CNTNAP5: variants seen among roughly 807,000 people sequenced by gnomAD.
The protein encoded by CNTNAP5 is contactin associated protein family member 5.
In CNTNAP5, 72 loss-of-function variants were observed where a neutral mutation model predicts 150.2. The observed-to-expected ratio is 0.48, with a 90% CI of 0.40 to 0.58. The LOEUF is 0.58. CNTNAP5 is among the 20% of genes least tolerant of loss of function. The pLI, the probability that CNTNAP5 is intolerant of heterozygous loss-of-function variation, is 0.00. For synonymous variants in CNTNAP5, 672 were observed against 619.8 expected (o/e 1.08, Z -1.25); for missense variants, 1,636 against 1,626.2 (o/e 1.01, Z -0.10).
chr2:124,044,837 A>G (rs963635009), intron 1 of CNTNAP5, among the ~76,000 whole-genome samples: 1 of 150,654 alleles, frequency 6.6e-6, no homozygotes, highest in Non-Finnish European at 1.5e-5. Flanking sequence ...AAACTTCTTA[A>G]TTGTAGCTGT....
At chr2:124,802,181 G>A (rs1681984326) in intron 19 of CNTNAP5, among the ~76,000 whole-genome samples, 1 of 152,170 alleles carries the variant, frequency 6.6e-6, no homozygotes, top group African/African-American at 2.4e-5. Context: ...GGTGGAGTAA[G>A]GTGGATGAGT....
In CNTNAP5 at chr2:124,919,716, T is replaced by C. The variant is rs1251419841; in HGVS notation, c.*5428T>C. Reference sequence around the variant, plus strand: ...ATTCTTTACTCACATTTGCATGATTTTTTTTACCTTCCAACACTTCTTCAG... The same window carrying C: ...ATTCTTTACTCACATTTGCATGATTCTTTTTACCTTCCAACACTTCTTCAG... On this transcript the variant is annotated 3_prime_UTR_variant, in exon 24 of 24. Coordinates refer to ENST00000682447, the MANE Select transcript of CNTNAP5 (RefSeq NM_001367498.1). Among the ~76,000 whole-genome samples the C allele has an allele frequency of 6.6e-6, 1 of 152,140 alleles. No homozygotes were observed. Among genetic ancestry groups the C allele is most frequent in the Non-Finnish European group, 1.5e-5 (1 of 68,004 alleles).
chr2:124,786,193 A>C (rs1011495973), intron 17 of CNTNAP5, among the ~76,000 whole-genome samples: 7 of 151,220 alleles, frequency 4.6e-5, no homozygotes, highest in African/African-American at 1.7e-4. Context: ...ACTTTGGGAG[A>C]TGGAGGCTGC....
intron 3 of CNTNAP5, among the ~76,000 whole-genome samples, chr2:124,252,829 A>G (rs1443136461): frequency 6.6e-6 from 1 of 152,158 alleles, no homozygotes; most frequent in Non-Finnish European, 1.5e-5. Flanking sequence ...TGCAAAATCA[A>G]TAAGAATATC....
At chr2:124,419,949 T>TTTCC (rs1692048964) in intron 4 of CNTNAP5, among the ~76,000 whole-genome samples, 2 of 103,270 alleles carry the variant, frequency 1.9e-5, no homozygotes, top group South Asian at 3.8e-4. Flanking sequence ...TCTTTCTTTC[T>TTTCC]TTCTTTCCTT....
At chr2:124,100,494 C>A (rs1683038548) in intron 1 of CNTNAP5, among the ~76,000 whole-genome samples, 1 of 152,134 alleles carries the variant, frequency 6.6e-6, no homozygotes, top group African/African-American at 2.4e-5. Context: ...ATTCAGGATT[C>A]AAATCTAGCA....
intron 1 of CNTNAP5, among the ~76,000 whole-genome samples, chr2:124,038,825 A>G (rs967091619): frequency 1.2e-4 from 19 of 152,192 alleles, no homozygotes; most frequent in Non-Finnish European, 2.2e-4. Context: ...ACGCAAAAGC[A>G]ACTAGGTACA....
intron 1 of CNTNAP5, among the ~76,000 whole-genome samples, chr2:124,215,075 T>C (rs149427078): frequency 3.9e-4 from 59 of 152,276 alleles, no homozygotes; most frequent in African/African-American, 1.4e-3. Flanking sequence ...GGAAAAATAA[T>C]TGAAGCAAAA....
At chr2:124,906,236 G>A (rs962634964) in intron 22 of CNTNAP5, among the ~76,000 whole-genome samples, 1 of 152,110 alleles carries the variant, frequency 6.6e-6, no homozygotes. Context: ...ATGGGTGAGG[G>A]AGTATTATCA....
At chr2:124,875,519 C>T (rs1677835731) in intron 21 of CNTNAP5, among the ~76,000 whole-genome samples, 2 of 152,036 alleles carry the variant, frequency 1.3e-5, no homozygotes, top group African/African-American at 2.4e-5. Context: ...GTTTATGGTT[C>T]CTTATTGGTA....
At chr2:124,764,588 CA>C (rs1681028726) in intron 16 of CNTNAP5, among the ~76,000 whole-genome samples, 1 of 152,134 alleles carries the variant, frequency 6.6e-6, no homozygotes, top group Non-Finnish European at 1.5e-5. Flanking sequence ...TGTGACTATC[CA>C]ATCAGAATTC....
chr2:124,157,722 T>C (rs1270415188), intron 1 of CNTNAP5, among the ~76,000 whole-genome samples: 1 of 152,164 alleles, frequency 6.6e-6, no homozygotes, highest in Admixed American at 6.5e-5. Context: ...TTAGTGACCA[T>C]TCAAAATTCC....
chr2:124,416,115 A>T (rs1321688326), intron 3 of CNTNAP5, among the ~76,000 whole-genome samples: 1 of 152,114 alleles, frequency 6.6e-6, no homozygotes, highest in Non-Finnish European at 1.5e-5. Flanking sequence ...ATTGAAGACA[A>T]TTGTTTCTCT....
intron 1 of CNTNAP5, among the ~76,000 whole-genome samples, chr2:124,035,817 A>G (rs1335355897): frequency 7.0e-6 from 1 of 143,642 alleles, no homozygotes; most frequent in East Asian, 2.1e-4. Flanking sequence ...CTCCACATTT[A>G]TGTTTTCCAG....
intron 13 of CNTNAP5, among the ~76,000 whole-genome samples, chr2:124,725,085 A>G (rs980662202): frequency 6.6e-6 from 1 of 152,054 alleles, no homozygotes; most frequent in African/African-American, 2.4e-5. Context: ...TCACATACAC[A>G]TAAATTTATT....
rs1201231604 is a variant in CNTNAP5, at chr2:124,189,598, A to C, written c.83-32107A>C. ...TAACTCTTGATCAAGACAGCCATGC[A>C]TAATCTTCATTAACATAATTTTACC... is the stretch of plus-strand genomic sequence containing the variant. On this transcript the variant is annotated intron_variant, in intron 1 of 23. Transcript: ENST00000682447. Among the ~76,000 whole-genome samples, 3 of 152,258 alleles carry C rather than the reference A, an allele frequency of 2.0e-5. No homozygotes were observed. The South Asian group carries it at 6.2e-4, about 32-fold the overall frequency.
chr2:124,485,692 G>T (rs538005159), intron 7 of CNTNAP5, among the ~76,000 whole-genome samples: 198 of 151,362 alleles, frequency 1.3e-3, no homozygotes, highest in African/African-American at 4.4e-3. Flanking sequence ...AAGCTTGCCG[G>T]AAAACTTAGG....
intron 1 of CNTNAP5, among the ~76,000 whole-genome samples, chr2:124,103,558 A>G (rs1240145472): frequency 2.0e-5 from 3 of 152,000 alleles, no homozygotes; most frequent in Non-Finnish European, 4.4e-5. Flanking sequence ...ATGTTTAGCT[A>G]TGTTAAAATA....
At chr2:124,536,108 C>G (rs1348480535) in intron 10 of CNTNAP5, among the ~76,000 whole-genome samples, 8 of 152,182 alleles carry the variant, frequency 5.3e-5, no homozygotes, top group Admixed American at 5.2e-4. Flanking sequence ...GCTTCTAACT[C>G]TGAAGTGAGA....
Sources: allele counts gnomAD v4.1 joint callset (sites outside exome capture counted in the v4.1 genomes callset), GRCh38; gene constraint gnomAD v4.1.1; transcripts MANE v1.5; gene names NCBI Gene and HGNC (gene_info 2026-07-23, HGNC 2026-07-21).